Variants in PCBP3 observed in about 807,000 individuals in gnomAD.
PCBP3 encodes poly(rC)-binding protein 3.
In PCBP3, 25 loss-of-function variants were observed where a neutral mutation model predicts 52.7. That is an observed-to-expected ratio of 0.47 (90% confidence interval 0.35 to 0.66). PCBP3 has a LOEUF of 0.66. PCBP3 is among the 30% of genes least tolerant of loss of function. PCBP3 has a pLI of 0.01. For missense variants in PCBP3, 391 were observed against 490.3 expected (o/e 0.80, Z 1.91); for synonymous variants, 162 against 183.0 (o/e 0.89, Z 0.93).
chr21:45,809,817 T>G (rs1038421203), intron 4 of PCBP3, among the ~76,000 whole-genome samples: 1 of 152,234 alleles, frequency 6.6e-6, no homozygotes, highest in Non-Finnish European at 1.5e-5. Context: ...TCCTAAGGCT[T>G]CTGCTCTCTG....
At chr21:45,713,952 T>TAC (rs1345014591) in intron 2 of PCBP3, among the ~76,000 whole-genome samples, 5 of 152,246 alleles carry the variant, frequency 3.3e-5, no homozygotes, top group Admixed American at 1.3e-4. Context: ...GCAGAGCCAC[T>TAC]TGGTCACACT....
intron 2 of PCBP3, among the ~76,000 whole-genome samples, chr21:45,682,178 C>T (rs1264136708): frequency 6.6e-6 from 1 of 152,118 alleles, no homozygotes; most frequent in Non-Finnish European, 1.5e-5. Context: ...GTAAAACATG[C>T]TTTTGTTGGG....
Position 45,791,539 on chromosome 21 carries a change from G to A in PCBP3, c.-126+36087G>A, listed in dbSNP as rs947792896. ...AGAGAGGAGACGATGGTCTCGCGGCGTGATCTGGGCTAGGGAAGGAGAGAA... is the reference window on the plus strand; with the variant it reads ...AGAGAGGAGACGATGGTCTCGCGGCATGATCTGGGCTAGGGAAGGAGAGAA... On this transcript the variant is annotated intron_variant, in intron 4 of 17. Coordinates refer to ENST00000681687, the MANE Select transcript of PCBP3 (RefSeq NM_001384156.1). This position sits in a 1 kb window ranked among gnomAD's most constrained non-coding sequence, Gnocchi z 4.2. Among the ~76,000 whole-genome samples, 3 of 152,344 alleles carry A rather than the reference G, an allele frequency of 2.0e-5. No homozygotes were observed. Among genetic ancestry groups the A allele is most frequent in the South Asian group, 2.1e-4 (1 of 4,834 alleles).
chr21:45,789,456 AT>A (rs2091392028), intron 4 of PCBP3, among the ~76,000 whole-genome samples: 1 of 152,202 alleles, frequency 6.6e-6, no homozygotes, highest in East Asian at 1.9e-4. Context: ...GCATACATAC[AT>A]GCAGTTGGGG....
intron 4 of PCBP3, among the ~76,000 whole-genome samples, chr21:45,841,541 C>G (rs4818802): frequency 5.9e-5 from 9 of 152,026 alleles, no homozygotes; most frequent in African/African-American, 2.2e-4. Flanking sequence ...GTTATTTTCT[C>G]AATTTTTAGT....
At chr21:45,933,622 A>G (rs530846437) in intron 15 of PCBP3, among the ~76,000 whole-genome samples, 1 of 152,376 alleles carries the variant, frequency 6.6e-6, no homozygotes, top group Admixed American at 6.5e-5. Context: ...TTTTGAAAGT[A>G]TCTTTATTAA....
intron 4 of PCBP3, among the ~76,000 whole-genome samples, chr21:45,782,814 G>A (rs2090743703): frequency 6.6e-6 from 1 of 152,224 alleles, no homozygotes; most frequent in Non-Finnish European, 1.5e-5. Context: ...TTTTAAAATG[G>A]TCCATTGCTC....
At chr21:45,846,994 G>A (rs1603449775) in intron 4 of PCBP3, among the ~76,000 whole-genome samples, 2 of 152,346 alleles carry the variant, frequency 1.3e-5, no homozygotes, top group Non-Finnish European at 2.9e-5. Flanking sequence ...GCTAGGACCA[G>A]TATGTCCAGT....
chr21:45,894,963 A>T (rs1468592764), intron 5 of PCBP3, among the ~76,000 whole-genome samples: 1 of 152,240 alleles, frequency 6.6e-6, no homozygotes, highest in Non-Finnish European at 1.5e-5. Flanking sequence ...AATTACAATA[A>T]TTTTGTGATA....
chr21:45,920,608 C>A (rs2074306908), intron 13 of PCBP3, among the ~76,000 whole-genome samples: 3 of 152,172 alleles, frequency 2.0e-5, no homozygotes, highest in African/African-American at 7.2e-5. Context: ...GTGGGGGGTC[C>A]CAGGGCTGGG....
Position 45,802,640 on chromosome 21 carries a change from G to C in PCBP3, c.-126+47188G>C, listed in dbSNP as rs1207653854. Reference sequence around the variant, plus strand: ...GGGGAGGATGGTGGGGCTCTAAGCAGGGCAGGAGGTCAGATTGTGTGTTTG... The same window carrying C: ...GGGGAGGATGGTGGGGCTCTAAGCACGGCAGGAGGTCAGATTGTGTGTTTG... On this transcript the variant is annotated intron_variant, in intron 4 of 17. Coordinates refer to ENST00000681687, the MANE Select transcript of PCBP3 (RefSeq NM_001384156.1). The surrounding 1 kb of genome is among the most constrained non-coding windows in gnomAD (Gnocchi z 5.1). Among the ~76,000 whole-genome samples the C allele has an allele frequency of 6.6e-6, 1 of 152,160 alleles. No individual in the cohort carries two copies. Among genetic ancestry groups the C allele is most frequent in the African/African-American group, 2.4e-5 (1 of 41,442 alleles).
chr21:45,707,173 G>A (rs910466126), intron 2 of PCBP3, among the ~76,000 whole-genome samples: 6 of 152,146 alleles, frequency 3.9e-5, no homozygotes, highest in South Asian at 2.1e-4. Context: ...TGGGGATCTA[G>A]GTCAGTGCTT....
chr21:45,772,582 T>G (rs923379971), intron 4 of PCBP3, among the ~76,000 whole-genome samples: 10 of 152,226 alleles, frequency 6.6e-5, no homozygotes, highest in African/African-American at 1.9e-4. Context: ...AGATACCCAG[T>G]AGTGGGATTG....
rs971748370 is a variant in PCBP3, at chr21:45,904,400, G to A, written c.339+3287G>A. On this transcript the variant is annotated intron_variant, in intron 9 of 17. Coordinates refer to ENST00000681687, the MANE Select transcript of PCBP3 (RefSeq NM_001384156.1). This position sits in a 1 kb window ranked among gnomAD's most constrained non-coding sequence, Gnocchi z 4.8. Reference sequence around the variant, plus strand: ...AGGGATTTGGAGTTTTCATCTTTTGGTCCTTTGGTTTTTCCAGAAGACTGT... The same window carrying A: ...AGGGATTTGGAGTTTTCATCTTTTGATCCTTTGGTTTTTCCAGAAGACTGT... 6.6e-6 allele frequency among the ~76,000 whole-genome samples: 1 copy of A among 152,090 alleles called. No homozygotes were observed. Among genetic ancestry groups the A allele is most frequent in the Non-Finnish European group, 1.5e-5 (1 of 68,020 alleles).
chr21:45,778,323 G>C (rs975326796), intron 4 of PCBP3, among the ~76,000 whole-genome samples: 1 of 152,142 alleles, frequency 6.6e-6, no homozygotes, highest in Non-Finnish European at 1.5e-5. Context: ...TGGATTGAGC[G>C]TGCCCATCTT....
Position 45,819,969 on chromosome 21 carries a change from A to G in PCBP3, c.-125-29992A>G, listed in dbSNP as rs530063834. Among the ~76,000 whole-genome samples the G allele has an allele frequency of 1.7e-3, 263 of 152,342 alleles. 1 individual carries two copies. The highest frequency in any genetic ancestry group is 6.0e-3 in the African/African-American group (251 of 41,582). ...CAGGGCCTGGCCACTCACTCTGCCC[A>G]TCATGCTGTCACTCCAGGCAGTTAC... On this transcript the variant is annotated intron_variant, in intron 4 of 17. Coordinates refer to ENST00000681687, the MANE Select transcript of PCBP3 (RefSeq NM_001384156.1).
At chr21:45,792,707 A>G (rs2091686310) in intron 4 of PCBP3, among the ~76,000 whole-genome samples, 2 of 152,252 alleles carry the variant, frequency 1.3e-5, no homozygotes, top group South Asian at 4.1e-4. Context: ...TCACATCACC[A>G]CAGAAGACAT....
At chr21:45,654,338 A>ATTTTTTTTTT (rs398036499) in intron 1 of PCBP3, among the ~76,000 whole-genome samples, 2 of 109,418 alleles carry the variant, frequency 1.8e-5, no homozygotes, top group Admixed American at 1.1e-4. Context: ...TAGACATTGC[A>ATTTTTTTTTT]TTTTTTTTTT....
intron 4 of PCBP3, among the ~76,000 whole-genome samples, chr21:45,812,903 G>A (rs944585071): frequency 3.3e-5 from 5 of 152,032 alleles, no homozygotes; most frequent in African/African-American, 7.2e-5. Flanking sequence ...TCCTTACCCT[G>A]TTCATTCTCT....
Sources: gnomAD v4.1 joint callset for allele counts (sites outside exome capture counted in the v4.1 genomes callset) on GRCh38, gnomAD v4.1.1 for gene constraint, Gnocchi (gnomAD v3.1) non-coding constraint, MANE v1.5 for transcripts, NCBI Gene and HGNC (gene_info 2026-07-23, HGNC 2026-07-21) for gene names.